The following CCNT1 variants were observed in gnomAD, a reference collection of about 807,000 sequenced individuals.
CCNT1 encodes cyclin T1, also known as cyclin-T1.
CCNT1 carries 18 observed loss-of-function variants against 67.3 expected under a neutral mutation model. That is an observed-to-expected ratio of 0.27 (90% CI 0.18 to 0.40). CCNT1 has a LOEUF of 0.40. Ranked by LOEUF, CCNT1 falls within the 10% of genes least tolerant of loss-of-function variation. The pLI, the probability that CCNT1 is intolerant of heterozygous loss-of-function variation, is 1.00. For missense variants in CCNT1, 744 were observed against 884.9 expected (o/e 0.84, Z 2.02); for synonymous variants, 333 against 310.3 (o/e 1.07, Z -0.77).
intron 3 of CCNT1, among the ~76,000 whole-genome samples, chr12:48,703,755 T>C (rs1327469928): frequency 6.6e-6 from 1 of 151,652 alleles, no homozygotes; most frequent in African/African-American, 2.4e-5. Flanking sequence ...GGCAACATGG[T>C]GAAACCCCAT....
chr12:48,704,745 G>T (rs1041529658), intron 3 of CCNT1, among the ~76,000 whole-genome samples: 1 of 152,100 alleles, frequency 6.6e-6, no homozygotes, highest in Non-Finnish European at 1.5e-5. Flanking sequence ...GCAGGTGGAG[G>T]TTGCAGTGAG....
intron 3 of CCNT1, 198 bp downstream of exon 3, chr12:48,705,570 C>T: frequency 1.8e-6 from 1 of 562,330 alleles, no homozygotes; most frequent in Non-Finnish European, 3.1e-6. Context: ...GCCACCATAC[C>T]TGGCCTGATT....
In CCNT1 at chr12:48,705,573, G is replaced by C. The variant is rs1940344082; in HGVS notation, c.372+195C>G. The C allele has an allele frequency of 7.1e-6, 4 of 566,630 alleles. 1 individual carries two copies. The highest frequency in any genetic ancestry group is 6.7e-5 in the South Asian group (3 of 45,026). The allele number at this position is 566,630 out of a possible 1,614,324, so 35.1% of individuals were successfully genotyped here. A position where few individuals can be genotyped will look rare whatever the true frequency, so the allele number is the denominator to read the frequency against. ...CAGGTATGGTGAGCCACCATACCTGGCCTGATTTTCTTACTGTTAAGAAAA... is the reference window on the plus strand; with the variant it reads ...CAGGTATGGTGAGCCACCATACCTGCCCTGATTTTCTTACTGTTAAGAAAA... On this transcript the variant is annotated intron_variant, in intron 3 of 8. Transcript: ENST00000261900.
In CCNT1 at chr12:48,692,941, TATTTC is replaced by T; in HGVS notation, c.*87_*91del. On this transcript the variant is annotated 3_prime_UTR_variant, in exon 9 of 9. Coordinates refer to ENST00000261900, the MANE Select transcript of CCNT1 (RefSeq NM_001240.4). ...TTTATTCCCTAGTCCAAGGATGACA[TATTTC>T]ATAAGTAATTTTCTTAGTCCAAAAA... is the stretch of plus-strand genomic sequence containing the variant. 1 of 810,330 alleles carries T rather than the reference TATTTC, an allele frequency of 1.2e-6. No individual in the cohort carries two copies. The highest frequency in any genetic ancestry group is 1.9e-6 in the Non-Finnish European group (1 of 523,160). The allele number at this position is 810,330 out of a possible 1,614,324, so 50.2% of individuals were successfully genotyped here.
chr12:48,711,710 C>T (rs1206774628), intron 2 of CCNT1, among the ~76,000 whole-genome samples: 1 of 151,930 alleles, frequency 6.6e-6, no homozygotes, highest in Admixed American at 6.6e-5. Context: ...GCAATCAGAG[C>T]CAGAGCAAAG....
rs1173115408 is a variant in CCNT1 at position 48,693,618 on chromosome 12, T to A, written c.1596A>T (p.Gln532His). 2.5e-6 allele frequency: 4 copies of A among 1,614,134 alleles called. No homozygotes were observed. The East Asian group carries it at 6.7e-5, about 27-fold the overall frequency. ...NHHSHKHSHS[Q>H]LPVGTGNKRP... ...GTTTGTTCCCAGTACCAACTGGAAGTTGGGAATGAGAGTGCTTGTGTGAGT... is the reference window on the plus strand; with the variant it reads ...GTTTGTTCCCAGTACCAACTGGAAGATGGGAATGAGAGTGCTTGTGTGAGT... Residue 532 changes from glutamine to histidine, a missense_variant, in exon 9 of 9, where the codon CAA becomes CAT. By Grantham distance (24) the Gln-to-His change is conservative. Transcript: ENST00000261900.
chr12:48,700,794 T>C (rs530912556), intron 4 of CCNT1, among the ~76,000 whole-genome samples: 1 of 152,234 alleles, frequency 6.6e-6, no homozygotes, highest in Non-Finnish European at 1.5e-5. Flanking sequence ...AAAAAAATAA[T>C]AACCCACTGG....
intron 4 of CCNT1, among the ~76,000 whole-genome samples, chr12:48,700,318 C>CAAAAAAA (rs372908471): frequency 1.2e-5 from 1 of 82,292 alleles, no homozygotes; most frequent in Non-Finnish European, 2.2e-5. Flanking sequence ...GACTCCGTCT[C>CAAAAAAA]AAAAAAAAAA....
Position 48,693,027 on chromosome 12 carries a change from CT to C in CCNT1, c.*5del, listed in dbSNP as rs754431414. 2.8e-6 allele frequency: 4 copies of C among 1,451,722 alleles called. No individual in the cohort carries two copies. The highest frequency in any genetic ancestry group is 1.5e-5 in the South Asian group (1 of 68,572). The allele number at this position is 1,451,722 out of a possible 1,614,324, so 89.9% of individuals were successfully genotyped here. A position where few individuals can be genotyped will look rare whatever the true frequency, so the allele number is the denominator to read the frequency against. On this transcript the variant is annotated 3_prime_UTR_variant, in exon 9 of 9. Transcript: ENST00000261900. ...GAAGTTTTTTTCTCCTCTTCTTTTTCTTTTTTTACTTAGGAAGGGGTGGAAG... is the reference window on the plus strand; with the variant it reads ...GAAGTTTTTTTCTCCTCTTCTTTTTCTTTTTTACTTAGGAAGGGGTGGAAG...
At chr12:48,697,838 TTAAA>T (rs1350609521) in intron 6 of CCNT1, 7 of 75,028 alleles carry the variant, frequency 9.3e-5, no homozygotes, top group Non-Finnish European at 1.7e-4. Flanking sequence ...TAATAATAAT[TTAAA>T]AAAAAAAAAA....
chr12:48,690,190 GGT>G lies in CCNT1; in HGVS notation c.*2841_*2842del, dbSNP rs770145540. On this transcript the variant is annotated 3_prime_UTR_variant, in exon 9 of 9. Coordinates refer to ENST00000261900, the MANE Select transcript of CCNT1 (RefSeq NM_001240.4). ...TTAAAAGCCTTAAGGACAATCCACA[GGT>G]ATTTGTTTTTGCCAACACGAGTCTA... 1.3e-5 allele frequency: 2 copies of G among 152,148 alleles called. No homozygotes were observed. The highest frequency in any genetic ancestry group is 2.9e-5 in the Non-Finnish European group (2 of 68,028). 9.4% of individuals were successfully genotyped at this position (152,148 alleles called of 1,614,324 possible). A position where few individuals can be genotyped will look rare whatever the true frequency, so the allele number is the denominator to read the frequency against.
In CCNT1 at chr12:48,691,349, C is replaced by T. The variant is rs1034273359; in HGVS notation, c.*1684G>A. The T allele has an allele frequency of 2.6e-4, 39 of 152,230 alleles. No homozygotes were observed. The highest frequency in any genetic ancestry group is 9.4e-4 in the African/African-American group (39 of 41,546). The allele number at this position is 152,230 out of a possible 1,614,324, so 9.4% of individuals were successfully genotyped here. On this transcript the variant is annotated 3_prime_UTR_variant, in exon 9 of 9. Coordinates refer to ENST00000261900, the MANE Select transcript of CCNT1 (RefSeq NM_001240.4). ...TATGACTTCCAAATGAAAAATAATT[C>T]GACCTCTCCCTAAAAAATCCTTGGC...
chr12:48,714,823 C>T (rs1490886528), intron 1 of CCNT1, among the ~76,000 whole-genome samples: 2 of 152,140 alleles, frequency 1.3e-5, no homozygotes, highest in Non-Finnish European at 2.9e-5. Context: ...CTATATAAGG[C>T]GGCCAGGCGC....
intron 3 of CCNT1, among the ~76,000 whole-genome samples, chr12:48,705,285 TTG>T (rs1940337730): frequency 6.9e-6 from 1 of 144,786 alleles, no homozygotes; most frequent in African/African-American, 2.5e-5. Flanking sequence ...TTGTTTTTTG[TTG>T]TTGTTGTTGT....
In CCNT1 at chr12:48,716,680, C is replaced by T; in HGVS notation, c.-5G>A. On this transcript the variant is annotated 5_prime_UTR_variant, in exon 1 of 9. Transcript: ENST00000261900. ...GTTCTTCCTCTCTCCCTCCATAGTG[C>T]TTCAACCAGAAGGCAGCGGCGAAGG... The T allele has an allele frequency of 1.9e-6, 3 of 1,611,994 alleles. No homozygotes were observed. The South Asian group carries it at 3.3e-5, about 18-fold the overall frequency.
intron 4 of CCNT1, among the ~76,000 whole-genome samples, chr12:48,700,424 C>A (rs796689974): frequency 6.6e-6 from 1 of 151,480 alleles, no homozygotes; most frequent in Non-Finnish European, 1.5e-5. Flanking sequence ...ATTGTGTCTA[C>A]GCCAATAACT....
chr12:48,709,797 T>C lies in CCNT1; in HGVS notation c.244-3901A>G, dbSNP rs534026731. On this transcript the variant is annotated intron_variant, in intron 2 of 8. Coordinates refer to ENST00000261900, the MANE Select transcript of CCNT1 (RefSeq NM_001240.4). ...CCAAACATTTATCAATGGTTATCTC[T>C]GGGTGGGATTACAGAGTAGTTTTCA... is the stretch of plus-strand genomic sequence containing the variant. Among the ~76,000 whole-genome samples, 9 of 152,312 alleles carry C rather than the reference T, an allele frequency of 5.9e-5. No homozygotes were observed. In the South Asian group the frequency reaches 1.9e-3, roughly 32 times the overall value.
chr12:48,697,944 G>A, intron 6 of CCNT1, 194 bp downstream of exon 6: 1 of 382,372 alleles, frequency 2.6e-6, no homozygotes, highest in East Asian at 3.9e-5. Context: ...AACTGAGTAG[G>A]TTATCAAAAA....
chr12:48,696,786 T>A (rs1940174530), intron 6 of CCNT1, among the ~76,000 whole-genome samples: 1 of 152,194 alleles, frequency 6.6e-6, no homozygotes, highest in Non-Finnish European at 1.5e-5. Flanking sequence ...TGGTTTCCAT[T>A]AACTAACAAT....
Sources: gnomAD v4.1 joint callset for allele counts (sites outside exome capture counted in the v4.1 genomes callset) on GRCh38, gnomAD v4.1.1 for gene constraint, MANE v1.5 for transcripts, NCBI Gene and HGNC (gene_info 2026-07-23, HGNC 2026-07-21) for gene names.